The following CRAMP1 variants were observed in gnomAD, a reference collection of about 807,000 sequenced individuals.
The protein encoded by CRAMP1 is protein cramped-like.
A neutral mutation model predicts 115.4 loss-of-function variants in CRAMP1; 50 were observed. The observed-to-expected ratio is 0.43, with a 90% CI of 0.35 to 0.55. The LOEUF (loss-of-function observed/expected upper bound fraction) is 0.55, where lower values mean the gene tolerates loss of function less well. Among genes scored for constraint, CRAMP1 ranks in the 20% least tolerant of loss-of-function variants. The pLI is 0.01. For synonymous variants in CRAMP1, 866 were observed against 745.4 expected (o/e 1.16, Z -2.64); for missense variants, 1,679 against 1,721.7 (o/e 0.98, Z 0.44).
intron 3 of CRAMP1, among the ~76,000 whole-genome samples, chr16:1,631,472 C>T (rs116351627): frequency 0.018 from 2,805 of 152,296 alleles, 101 homozygotes; most frequent in African/African-American, 0.064. Flanking sequence ...GCCCAGCTTC[C>T]CTTTGCAAAG....
intron 2 of CRAMP1, among the ~76,000 whole-genome samples, chr16:1,618,843 T>C (rs1020310791): frequency 1.3e-5 from 2 of 152,128 alleles, no homozygotes; most frequent in Admixed American, 6.5e-5. Flanking sequence ...CCAGCCTGGG[T>C]GACACAACAA....
chr16:1,620,758 A>G (rs996647472), intron 2 of CRAMP1: 13 of 451,158 alleles, frequency 2.9e-5, no homozygotes. Flanking sequence ...TTCCCCCACC[A>G]CGACCCTGAT....
chr16:1,647,164 A>G (rs2036682265), intron 6 of CRAMP1: 1 of 643,632 alleles, frequency 1.6e-6, no homozygotes, highest in East Asian at 2.8e-5. Flanking sequence ...TCTCATGCAG[A>G]CCTGTTTCAA....
chr16:1,661,584 T>C (rs1271937749), intron 11 of CRAMP1, among the ~76,000 whole-genome samples: 1 of 150,988 alleles, frequency 6.6e-6, no homozygotes, highest in Non-Finnish European at 1.5e-5. Flanking sequence ...CAGTCCCTAC[T>C]ATGAAAGAAT....
chr16:1,652,392 G>C, intron 6 of CRAMP1, 104 bp from the exon 7 acceptor site: 2 of 975,562 alleles, frequency 2.1e-6, no homozygotes, highest in Non-Finnish European at 3.0e-6. Context: ...GTGGATGCTT[G>C]GCCAGGCCCC....
intron 11 of CRAMP1, among the ~76,000 whole-genome samples, chr16:1,661,777 A>G (rs2036832698): frequency 6.6e-6 from 1 of 151,960 alleles, no homozygotes; most frequent in Non-Finnish European, 1.5e-5. Flanking sequence ...TGTTTTCAGT[A>G]GAGACAGGGT....
At chr16:1,623,760 A>G (rs1230357621) in intron 2 of CRAMP1, among the ~76,000 whole-genome samples, 5 of 152,174 alleles carry the variant, frequency 3.3e-5, no homozygotes, top group African/African-American at 1.2e-4. Context: ...TTAAGTTTCA[A>G]ATGGCATCTG....
rs770493494 is a variant in CRAMP1, at chr16:1,656,308, G to T, written c.1551G>T (p.Gln517His). The change falls in exon 10 of 21, where the codon CAG (glutamine) becomes CAT (histidine). Residue 517 changes from glutamine to histidine, a missense_variant. This residue lies in a region of CRAMP1 where 405 missense variants were observed against 302.6 expected (regional missense o/e 1.34). Coordinates refer to ENST00000397412, the MANE Select transcript of CRAMP1 (RefSeq NM_020825.4). The surrounding 1 kb of genome is among the most constrained non-coding windows in gnomAD (Gnocchi z 5.6). ...DAPDRPPPRH[Q>H]DTGPCLEKTP... Reference sequence around the variant, plus strand: ...CTGACAGGCCTCCTCCCAGGCACCAGGACACTGGGCCATGTCTTGAGAAGA... The same window carrying T: ...CTGACAGGCCTCCTCCCAGGCACCATGACACTGGGCCATGTCTTGAGAAGA... 5 of 1,611,960 alleles carry T rather than the reference G, an allele frequency of 3.1e-6. No homozygotes were observed. The highest frequency in any genetic ancestry group is 4.2e-6 in the Non-Finnish European group (5 of 1,179,604).
chr16:1,648,951 T>C (rs34915182), intron 6 of CRAMP1, among the ~76,000 whole-genome samples: 24,942 of 151,836 alleles, frequency 0.16, 3,049 homozygotes, highest in African/African-American at 0.33. Flanking sequence ...CCCAGCTACT[T>C]GGGATGCTGA....
chr16:1,658,564 G>A (rs1403040629), intron 10 of CRAMP1, among the ~76,000 whole-genome samples: 1 of 152,162 alleles, frequency 6.6e-6, no homozygotes, highest in Non-Finnish European at 1.5e-5. Context: ...AGACTGGACA[G>A]ACAGACAGAC....
intron 2 of CRAMP1, among the ~76,000 whole-genome samples, chr16:1,621,753 T>C (rs1452515140): frequency 6.6e-6 from 1 of 152,034 alleles, no homozygotes; most frequent in Non-Finnish European, 1.5e-5. Flanking sequence ...ATCCTGCTTC[T>C]GCACCCCACT....
Position 1,666,566 on chromosome 16 carries a change from C to G in CRAMP1, c.3002C>G (p.Thr1001Ser). 6.2e-7 allele frequency: 1 copy of G among 1,614,000 alleles called. No individual in the cohort carries two copies. Among genetic ancestry groups the G allele is most frequent in the Non-Finnish European group, 8.5e-7 (1 of 1,179,882 alleles). ...GAISGQDSTGTHQDGDTLPTV... is the reference protein window; with the variant it reads ...GAISGQDSTGSHQDGDTLPTV... ...ATCTCGGGGCAGGACTCTACTGGAA[C>G]TCACCAGGATGGAGACACCCTCCCC... Residue 1001 changes from threonine to serine, a missense_variant, in exon 16 of 21, where the codon ACT becomes AGT. This residue lies in a region of CRAMP1 where 709 missense variants were observed against 741.9 expected (regional missense o/e 0.96). Transcript: ENST00000397412. This position sits in a 1 kb window ranked among gnomAD's most constrained non-coding sequence, Gnocchi z 5.0.
At chr16:1,643,278 C>T (rs951564980) in intron 6 of CRAMP1, among the ~76,000 whole-genome samples, 14 of 152,114 alleles carry the variant, frequency 9.2e-5, no homozygotes, top group African/African-American at 2.9e-4. Context: ...CGTAGTGGCT[C>T]ACGCCTGAAA....
At chr16:1,645,569 C>T (rs906860786) in intron 6 of CRAMP1, 3 of 157,372 alleles carry the variant, frequency 1.9e-5, no homozygotes, top group Non-Finnish European at 4.3e-5. Context: ...TACAGGCCCA[C>T]TCAGCGTTGT....
At chr16:1,668,917 C>A in intron 18 of CRAMP1, 84 bp from the exon 19 acceptor site, 1 of 1,347,036 alleles carries the variant, frequency 7.4e-7, no homozygotes, top group Non-Finnish European at 1.0e-6. Context: ...GGCCCTGCTG[C>A]CTTCTCCGTG....
At chr16:1,647,038 A>G in intron 6 of CRAMP1, 1 of 702,906 alleles carries the variant, frequency 1.4e-6, no homozygotes, top group Non-Finnish European at 2.6e-6. Flanking sequence ...TTTACAAACA[A>G]ACAGGAAACC....
chr16:1,627,533 G>A (rs2036517316), intron 3 of CRAMP1, among the ~76,000 whole-genome samples: 1 of 152,190 alleles, frequency 6.6e-6, no homozygotes, highest in African/African-American at 2.4e-5. Context: ...CATTAGAAAA[G>A]GAGACACTCG....
intron 2 of CRAMP1, among the ~76,000 whole-genome samples, chr16:1,620,033 G>C (rs1321263919): frequency 2.6e-5 from 4 of 152,180 alleles, no homozygotes; most frequent in African/African-American, 9.7e-5. Context: ...GAGCTGGGTA[G>C]GGGAGGCTCA....
Position 1,656,290 on chromosome 16 carries a change from G to A in CRAMP1, c.1533G>A (p.Arg511=), listed in dbSNP as rs1257590092. ...LSLSSPDAPD[R]PPPRHQDTGP... ...TGAGCAGCCCGGACGCTCCTGACAG[G>A]CCTCCTCCCAGGCACCAGGACACTG... The change falls in exon 10 of 21, where the codon AGG becomes AGA. Residue 511 remains arginine (R), a synonymous_variant. Transcript: ENST00000397412. This position sits in a 1 kb window ranked among gnomAD's most constrained non-coding sequence, Gnocchi z 5.6. 2 of 1,611,896 alleles carry A rather than the reference G, an allele frequency of 1.2e-6. No individual in the cohort carries two copies. Among genetic ancestry groups the A allele is most frequent in the Non-Finnish European group, 1.7e-6 (2 of 1,179,670 alleles).
Sources: allele counts gnomAD v4.1 joint callset (sites outside exome capture counted in the v4.1 genomes callset), GRCh38; gene constraint gnomAD v4.1.1; regional missense constraint gnomAD v4.1.1; non-coding constraint Gnocchi (gnomAD v3.1); transcripts MANE v1.5; gene names NCBI Gene and HGNC (gene_info 2026-07-23, HGNC 2026-07-21).